Variants in PER3 observed in about 807,000 individuals in gnomAD.
PER3 encodes period circadian regulator 3, also known as period circadian protein homolog 3.
PER3 carries 107 observed loss-of-function variants against 127.2 expected under a neutral mutation model. That is an observed-to-expected ratio of 0.84 (90% CI 0.72 to 0.99). PER3 has a LOEUF of 0.99. PER3 is among the 50% of genes least tolerant of loss of function. PER3 has a pLI of 0.00. For synonymous variants in PER3, 618 were observed against 585.8 expected (o/e 1.05, Z -0.79); for missense variants, 1,560 against 1,525.8 (o/e 1.02, Z -0.37).
At chr1:7,838,490 C>T (rs1053053371) in intron 21 of PER3, among the ~76,000 whole-genome samples, 4 of 152,146 alleles carry the variant, frequency 2.6e-5, no homozygotes, top group Admixed American at 2.6e-4. Flanking sequence ...CTCACTGCAA[C>T]CTCTGCCTCC....
chr1:7,796,344 G>A (rs1211941133), intron 6 of PER3, among the ~76,000 whole-genome samples: 1 of 59,210 alleles, frequency 1.7e-5, no homozygotes, highest in Non-Finnish European at 4.5e-5. Context: ...TTTGAGACAG[G>A]ATCTCACTGT....
intron 2 of PER3, 73 bp downstream of exon 2, chr1:7,785,078 A>C: frequency 6.7e-7 from 1 of 1,484,392 alleles, no homozygotes; most frequent in South Asian, 1.3e-5. Context: ...AGGGGGACCT[A>C]AATCTTTTTA....
chr1:7,826,805 T>G lies in PER3; in HGVS notation c.2188+95T>G, dbSNP rs545290743. 1.3e-6 allele frequency: 1 copy of G among 746,722 alleles called. No individual in the cohort carries two copies. Among genetic ancestry groups the G allele is most frequent in the South Asian group, 1.7e-5 (1 of 59,918 alleles). 46.3% of individuals were successfully genotyped at this position (746,722 alleles called of 1,614,324 possible). Reference sequence around the variant, plus strand: ...AGATAAGGAGTGAACAATAGGAGTTTTACTTGTAAGAAACTGATGGAGAGA... The same window carrying G: ...AGATAAGGAGTGAACAATAGGAGTTGTACTTGTAAGAAACTGATGGAGAGA... On this transcript the variant is annotated intron_variant, in intron 17 of 21. Transcript: ENST00000377532. The surrounding 1 kb of genome is among the most constrained non-coding windows in gnomAD (Gnocchi z 4.2).
intron 12 of PER3, 102 bp from the exon 13 acceptor site, chr1:7,810,336 T>C: frequency 3.5e-6 from 3 of 867,080 alleles, no homozygotes; most frequent in Non-Finnish European, 3.6e-6. Context: ...CTTCAGTCAT[T>C]ATATCTTCAA....
Position 7,826,637 on chromosome 1 carries a change from G to T in PER3, c.2115G>T (p.Lys705Asn). 6.2e-7 allele frequency: 1 copy of T among 1,613,800 alleles called. No homozygotes were observed. The highest frequency in any genetic ancestry group is 8.5e-7 in the Non-Finnish European group (1 of 1,179,728). ...ATTATGTTGATAAATTCCGAGAAAA[G>T]ATCCTGTCATCACCCTACAGCTCCT... ...EQNYVDKFRE[K>N]ILSSPYSSYL... The change falls in exon 17 of 22, where the codon AAG becomes AAT. Residue 705 changes from lysine (K) to asparagine (N), a missense_variant. Transcript: ENST00000377532. The surrounding 1 kb of genome is among the most constrained non-coding windows in gnomAD (Gnocchi z 4.2).
At chr1:7,785,687 A>T in intron 3 of PER3, 101 bp downstream of exon 3, 1 of 978,082 alleles carries the variant, frequency 1.0e-6, no homozygotes, top group East Asian at 2.4e-5. Context: ...AAATAATTTG[A>T]GCTTTTTCTG....
At chr1:7,810,337 A>G (rs1346105234) in intron 12 of PER3, 101 bp from the exon 13 acceptor site, 2 of 868,596 alleles carry the variant, frequency 2.3e-6, no homozygotes, top group Admixed American at 2.6e-5. Context: ...TTCAGTCATT[A>G]TATCTTCAAA....
At chr1:7,817,593 C>T (rs950162245) in intron 13 of PER3, among the ~76,000 whole-genome samples, 1 of 152,160 alleles carries the variant, frequency 6.6e-6, no homozygotes, top group Admixed American at 6.5e-5. Flanking sequence ...GACCAGACTC[C>T]TCACTATCAG....
chr1:7,785,637 C>A, intron 3 of PER3, 51 bp downstream of exon 3: 1 of 1,517,868 alleles, frequency 6.6e-7, no homozygotes, highest in Non-Finnish European at 9.0e-7. Flanking sequence ...AGGACTCATA[C>A]AAGCAGCCAG....
intron 19 of PER3, among the ~76,000 whole-genome samples, chr1:7,830,568 G>A (rs145224588): frequency 5.9e-5 from 9 of 152,208 alleles, no homozygotes; most frequent in East Asian, 1.9e-4. Context: ...TTTCGTATTC[G>A]GATTCTTTCA....
Position 7,820,559 on chromosome 1 carries a change from A to G in PER3, c.1876A>G (p.Thr626Ala). ...TGGGAPQILS[T>A]AMLSLGSGIS... ...AGGAGGAGCTCCACAGATCCTGTCC[A>G]CGGCGATGCTGAGCTTGGGGTCGGG... The change falls in exon 16 of 22, where the codon ACG becomes GCG. Residue 626 changes from threonine (T) to alanine (A), a missense_variant. Thr to Ala is a moderately conservative substitution (Grantham distance 58). This residue lies in a region of PER3 where 1,332 missense variants were observed against 1,223.6 expected (regional missense o/e 1.09). Coordinates refer to ENST00000377532, the MANE Select transcript of PER3 (RefSeq NM_001377275.1). 1 of 1,614,160 alleles carries G rather than the reference A, an allele frequency of 6.2e-7. No homozygotes were observed. The highest frequency in any genetic ancestry group is 8.5e-7 in the Non-Finnish European group (1 of 1,180,006).
At chr1:7,811,084 A>G (rs1418801186) in intron 13 of PER3, among the ~76,000 whole-genome samples, 1 of 152,248 alleles carries the variant, frequency 6.6e-6, no homozygotes, top group Non-Finnish European at 1.5e-5. Flanking sequence ...CTGGATCAGT[A>G]GTAAAACTGG....
intron 13 of PER3, among the ~76,000 whole-genome samples, chr1:7,817,090 G>A (rs550245958): frequency 2.0e-5 from 3 of 152,332 alleles, no homozygotes; most frequent in Admixed American, 2.0e-4. Flanking sequence ...TTCCATTCTG[G>A]AAAAGCGTTC....
chr1:7,820,887 T>C (rs1310440053), intron 16 of PER3, among the ~76,000 whole-genome samples: 3 of 152,242 alleles, frequency 2.0e-5, no homozygotes, highest in African/African-American at 7.2e-5. Flanking sequence ...AAGCACTTAA[T>C]ACAGTACCTA....
chr1:7,788,137 C>T lies in PER3; in HGVS notation c.483C>T (p.Val161=). Reference sequence around the variant, plus strand: ...TGATCCTGAATCGTAAGAAAGATGTCCTGGCGTCTTCTCACTTTGTTGACC... The same window carrying T: ...TGATCCTGAATCGTAAGAAAGATGTTCTGGCGTCTTCTCACTTTGTTGACC... ...AALILNRKKD[V]LASSHFVDLL... Residue 161 remains valine (V), a synonymous_variant, in exon 5 of 22, where the codon GTC becomes GTT. Transcript: ENST00000377532. 6.2e-7 allele frequency: 1 copy of T among 1,613,736 alleles called. No homozygotes were observed. Among genetic ancestry groups the T allele is most frequent in the Non-Finnish European group, 8.5e-7 (1 of 1,179,690 alleles).
chr1:7,792,227 C>T (rs963365342), intron 5 of PER3, among the ~76,000 whole-genome samples: 3 of 152,098 alleles, frequency 2.0e-5, no homozygotes, highest in African/African-American at 4.8e-5. Flanking sequence ...ATGTCCTTCA[C>T]GTGGCAACAG....
chr1:7,829,833 G>T lies in PER3; in HGVS notation c.2887-1G>T. The T allele has an allele frequency of 6.2e-7, 1 of 1,610,540 alleles. No homozygotes were observed. On this transcript the variant is annotated splice_acceptor_variant, in intron 18 of 21. Transcript: ENST00000377532. LOFTEE classifies it high-confidence loss of function. ...TCTTTTCATGTGCCCTTACTTTCTA[G>T]CAGTGTGTTACAGGCAACAATGGCA...
At chr1:7,815,575 T>C (rs955090750) in intron 13 of PER3, among the ~76,000 whole-genome samples, 3 of 152,210 alleles carry the variant, frequency 2.0e-5, no homozygotes, top group African/African-American at 4.8e-5. Context: ...CTAGCCATAA[T>C]GGATTAAACT....
rs773281628 is a variant in PER3, at chr1:7,827,218, C to T, written c.2289C>T (p.Thr763=). The change falls in exon 18 of 22, where the codon ACC becomes ACT. Residue 763 remains threonine (T), a synonymous_variant. Coordinates refer to ENST00000377532, the MANE Select transcript of PER3 (RefSeq NM_001377275.1). ...CGCCAGACAGCAGCAGCTCGAACAC[C>T]GGCTCTGGTCCCCGCAGGGGAGCGC... ...PEPPDSSSSN[T]GSGPRRGAHQ... 2.5e-5 allele frequency: 40 copies of T among 1,613,938 alleles called. No homozygotes were observed. The South Asian group carries it at 3.5e-4, about 14-fold the overall frequency.
Sources: gnomAD v4.1 joint callset for allele counts (sites outside exome capture counted in the v4.1 genomes callset) on GRCh38, gnomAD v4.1.1 for gene constraint, gnomAD v4.1.1 regional missense constraint, Gnocchi (gnomAD v3.1) non-coding constraint, MANE v1.5 for transcripts, NCBI Gene and HGNC (gene_info 2026-07-23, HGNC 2026-07-21) for gene names.